Variants in FARP2 observed in about 807,000 individuals in gnomAD.
The protein encoded by FARP2 is FERM, ARH/RhoGEF and pleckstrin domain protein 2.
Under a neutral mutation model 130.5 loss-of-function variants are expected in FARP2, and 111 were observed. The observed-to-expected ratio is 0.85, with a 90% CI of 0.73 to 1.00. The LOEUF (loss-of-function observed/expected upper bound fraction) is 1.00, where lower values mean the gene tolerates loss of function less well. Among genes scored for constraint, FARP2 ranks in the 50% least tolerant of loss-of-function variants. The probability of loss-of-function intolerance (pLI) is 0.00; values close to 1 mark genes in which losing one functional copy is unlikely to be tolerated. For missense variants in FARP2, 1,385 were observed against 1,346.3 expected (o/e 1.03, Z -0.45); for synonymous variants, 504 against 516.9 (o/e 0.98, Z 0.34).
intron 13 of FARP2, among the ~76,000 whole-genome samples, chr2:241,452,565 G>A: frequency 6.6e-6 from 1 of 152,004 alleles, no homozygotes; most frequent in East Asian, 1.9e-4. Flanking sequence ...CTACACAGAA[G>A]GCTAAGGCAA....
chr2:241,468,514 C>T (rs1367224180), intron 18 of FARP2, 137 bp downstream of exon 18: 7 of 667,824 alleles, frequency 1.0e-5, no homozygotes, highest in Non-Finnish European at 1.8e-5. Flanking sequence ...CCACAGTGGT[C>T]AGCATTGGCC....
intron 2 of FARP2, among the ~76,000 whole-genome samples, chr2:241,379,412 T>C (rs1011094310): frequency 6.6e-6 from 1 of 152,252 alleles, no homozygotes; most frequent in Non-Finnish European, 1.5e-5. Flanking sequence ...GCATGAGGGT[T>C]TTCTTCATTA....
Position 241,366,695 on chromosome 2 carries a change from T to C in FARP2, c.-24-6389T>C, listed in dbSNP as rs532507469. Among the ~76,000 whole-genome samples the C allele has an allele frequency of 9.9e-5, 15 of 152,214 alleles. No individual in the cohort carries two copies. The East Asian group carries it at 1.5e-3, about 16-fold the overall frequency. ...TTGGCTACCAAACACTATAAATTAG[T>C]AGAAATCAAGAACACATTTTCTTTC... On this transcript the variant is annotated intron_variant, in intron 1 of 26. Transcript: ENST00000264042.
At chr2:241,399,261 T>C (rs2062102796) in intron 2 of FARP2, among the ~76,000 whole-genome samples, 1 of 152,240 alleles carries the variant, frequency 6.6e-6, no homozygotes, top group Non-Finnish European at 1.5e-5. Flanking sequence ...TTTTTCCTTA[T>C]GATTTGTAGA....
At chr2:241,366,098 A>T (rs1250799388) in intron 1 of FARP2, among the ~76,000 whole-genome samples, 4 of 444 alleles carry the variant, frequency 9.0e-3, no homozygotes, top group African/African-American at 0.019. Context: ...CTACTAAAAA[A>T]AAAAAAATAT....
At chr2:241,371,858 A>T (rs1373110012) in intron 1 of FARP2, among the ~76,000 whole-genome samples, 1 of 152,148 alleles carries the variant, frequency 6.6e-6, no homozygotes, top group Non-Finnish European at 1.5e-5. Context: ...AATAAATATT[A>T]AAAACAAGCT....
intron 6 of FARP2, among the ~76,000 whole-genome samples, chr2:241,411,566 C>G (rs1559744873): frequency 6.6e-6 from 1 of 152,210 alleles, no homozygotes; most frequent in Non-Finnish European, 1.5e-5. Context: ...GTATCTCACA[C>G]AGATCAAGAG....
At chr2:241,464,344 C>A (rs2064111656) in intron 17 of FARP2, among the ~76,000 whole-genome samples, 1 of 151,098 alleles carries the variant, frequency 6.6e-6, no homozygotes, top group Non-Finnish European at 1.5e-5. Context: ...AGAGCAGGGT[C>A]CCCTAAGAGC....
rs1238941756 is a variant in FARP2 at position 241,490,050 on chromosome 2, G to T, written c.2504+6G>T. The T allele has an allele frequency of 6.2e-7, 1 of 1,607,868 alleles. No individual in the cohort carries two copies. The highest frequency in any genetic ancestry group is 8.5e-7 in the Non-Finnish European group (1 of 1,174,320). On this transcript the variant is annotated splice_donor_region_variant and intron_variant, in intron 22 of 26. Transcript: ENST00000264042. ...ACAATCGTGGTGGCAGCCAGGTAAGGGTCTTCCATGTCTCCATCCTGAGCA... is the reference window on the plus strand; with the variant it reads ...ACAATCGTGGTGGCAGCCAGGTAAGTGTCTTCCATGTCTCCATCCTGAGCA...
chr2:241,435,841 CAT>C (rs756807357), intron 11 of FARP2, among the ~76,000 whole-genome samples: 35 of 148,784 alleles, frequency 2.4e-4, no homozygotes, highest in Non-Finnish European at 3.7e-4. Context: ...ATTGTATACA[CAT>C]AGAGATATTT....
At chr2:241,360,067 C>G (rs1447037543) in intron 1 of FARP2, among the ~76,000 whole-genome samples, 1 of 152,158 alleles carries the variant, frequency 6.6e-6, no homozygotes, top group Non-Finnish European at 1.5e-5. Context: ...TTTACTCACT[C>G]CAAGGCACTT....
At chr2:241,418,631 C>T (rs1320007716) in intron 8 of FARP2, among the ~76,000 whole-genome samples, 2 of 152,140 alleles carry the variant, frequency 1.3e-5, no homozygotes, top group Non-Finnish European at 2.9e-5. Context: ...GTGTTGTCTT[C>T]TGAAGTGTTT....
chr2:241,364,251 A>G (rs1559700462), intron 1 of FARP2, among the ~76,000 whole-genome samples: 1 of 152,238 alleles, frequency 6.6e-6, no homozygotes, highest in African/African-American at 2.4e-5. Context: ...GGAAGGGGCC[A>G]TGAGCCAAGG....
chr2:241,464,624 C>G (rs543841316), intron 17 of FARP2, among the ~76,000 whole-genome samples: 1 of 151,976 alleles, frequency 6.6e-6, no homozygotes, highest in African/African-American at 2.4e-5. Flanking sequence ...AATAGCATCC[C>G]CCTCAGGCTC....
At chr2:241,456,156 A>G (rs926798789) in intron 13 of FARP2, among the ~76,000 whole-genome samples, 8 of 152,192 alleles carry the variant, frequency 5.3e-5, no homozygotes, top group South Asian at 2.1e-4. Flanking sequence ...TAAGAAGGGG[A>G]AAATTATTAC....
At chr2:241,442,954 GAC>G (rs1382597010) in intron 13 of FARP2, 6 of 197,614 alleles carry the variant, frequency 3.0e-5, no homozygotes, top group Non-Finnish European at 6.2e-5. Flanking sequence ...AATTAACTAG[GAC>G]ACAGGTTTTG....
In FARP2 at chr2:241,373,240, C is replaced by A; in HGVS notation, c.133C>A (p.His45Asn). 1 of 1,553,558 alleles carries A rather than the reference C, an allele frequency of 6.4e-7. No individual in the cohort carries two copies. ...LLPRMQEKHL[H>N]LRVKLLDNTM... ...GCCCAGAATGCAAGAGAAGCACCTG[C>A]ACCTCAGAGTAAAGCTGCTGGACAA... The change falls in exon 2 of 27, where the codon CAC becomes AAC. Residue 45 changes from histidine to asparagine, a missense_variant. Physicochemically the swap from His to Asn is moderately conservative, Grantham distance 68. Transcript: ENST00000264042.
chr2:241,401,922 T>C (rs1434007610), intron 2 of FARP2, among the ~76,000 whole-genome samples: 1 of 152,120 alleles, frequency 6.6e-6, no homozygotes, highest in Non-Finnish European at 1.5e-5. Flanking sequence ...CCTGAGTATC[T>C]GGGATTACAG....
In FARP2 at chr2:241,418,041, A is replaced by G. The variant is rs373775235; in HGVS notation, c.703A>G (p.Met235Val). The G allele has an allele frequency of 1.5e-5, 24 of 1,614,162 alleles. 1 individual carries two copies. The Middle Eastern group carries it at 4.9e-4, about 33-fold the overall frequency. ...KLEMYGIRFH[M>V]ASDREGTKIQ... is the part of the protein sequence containing the mutation. The stretch of plus-strand genomic sequence containing the variant: ...GGAAATGTACGGCATCAGATTTCAC[A>G]TGGCTTCTGACAGGGAAGGAACCAA... Residue 235 changes from methionine to valine, a missense_variant, in exon 8 of 27, where the codon ATG (methionine) becomes GTG (valine). Transcript: ENST00000264042.
Sources: gnomAD v4.1 joint callset for allele counts (sites outside exome capture counted in the v4.1 genomes callset) on GRCh38, gnomAD v4.1.1 for gene constraint, MANE v1.5 for transcripts, NCBI Gene and HGNC (gene_info 2026-07-23, HGNC 2026-07-21) for gene names.